The following MIA3 variants were observed in gnomAD, a reference collection of about 807,000 sequenced individuals.
MIA3 encodes the protein MIA SH3 domain ER export factor 3, also known as transport and Golgi organization protein 1 homolog.
A neutral mutation model predicts 192.4 loss-of-function variants in MIA3; 90 were observed. The observed-to-expected ratio is 0.47, with a 90% CI of 0.39 to 0.56. The LOEUF is 0.56. Ranked by LOEUF, MIA3 falls within the 20% of genes least tolerant of loss-of-function variation. MIA3 has a pLI of 0.00. For synonymous variants in MIA3, 740 were observed against 792.8 expected (o/e 0.93, Z 1.12); for missense variants, 2,123 against 2,269.4 (o/e 0.94, Z 1.31).
rs745696853 is a variant in MIA3, at chr1:222,653,293, T to A, written c.4275T>A (p.Asn1425Lys). 16 of 1,613,880 alleles carry A rather than the reference T, an allele frequency of 9.9e-6. No homozygotes were observed. The highest frequency in any genetic ancestry group is 1.1e-5 in the Non-Finnish European group (13 of 1,179,882). Reference sequence around the variant, plus strand: ...GTGAATCTGAATCTGAGGGTCAAAATAAAGGTGGAAATGATTCAGATGAAT... The same window carrying A: ...GTGAATCTGAATCTGAGGGTCAAAAAAAAGGTGGAAATGATTCAGATGAAT... ...LECESESEGQNKGGNDSDELA... is the reference protein window; with the variant it reads ...LECESESEGQKKGGNDSDELA... Residue 1425 changes from asparagine to lysine, a missense_variant, in exon 15 of 28, where the codon AAT becomes AAA. Physicochemically the swap from Asn to Lys is moderately conservative, Grantham distance 94. Coordinates refer to ENST00000344922, the MANE Select transcript of MIA3 (RefSeq NM_198551.4).
chr1:222,644,827 G>C (rs1663059076), intron 6 of MIA3, among the ~76,000 whole-genome samples: 1 of 151,248 alleles, frequency 6.6e-6, no homozygotes, highest in African/African-American at 2.4e-5. Flanking sequence ...ATGTTCTGGT[G>C]TGAAGTCATG....
In MIA3 at chr1:222,665,708, A is replaced by C. The variant is rs1664251948; in HGVS notation, c.*89A>C. ...GATTTCATTGGCTTCAAAATCCAAA[A>C]GTTTATTTTAAAAGGTTTGTTGTTA... On this transcript the variant is annotated 3_prime_UTR_variant, in exon 28 of 28. Coordinates refer to ENST00000344922, the MANE Select transcript of MIA3 (RefSeq NM_198551.4). The C allele has an allele frequency of 1.7e-6, 2 of 1,161,396 alleles. No individual in the cohort carries two copies. The highest frequency in any genetic ancestry group is 2.0e-5 in the South Asian group (1 of 49,296). 71.9% of individuals were successfully genotyped at this position (1,161,396 alleles called of 1,614,324 possible).
chr1:222,651,941 C>T (rs1663459745), intron 11 of MIA3, 36 bp from the exon 12 acceptor site: 1 of 1,173,348 alleles, frequency 8.5e-7, no homozygotes. Context: ...TACTAAAATC[C>T]TAATATGCAT....
At chr1:222,624,942 A>G (rs1662041164) in intron 3 of MIA3, 88 bp downstream of exon 3, 2 of 647,142 alleles carry the variant, frequency 3.1e-6, no homozygotes, top group South Asian at 1.7e-5. Context: ...AAAAGAATTT[A>G]AATGAGATTT....
At chr1:222,622,887 G>T (rs920455723) in intron 2 of MIA3, among the ~76,000 whole-genome samples, 2 of 152,216 alleles carry the variant, frequency 1.3e-5, no homozygotes, top group Non-Finnish European at 2.9e-5. Flanking sequence ...CTTAAGGAAC[G>T]CTGCCTTCAG....
chr1:222,629,542 A>G lies in MIA3; in HGVS notation c.2322A>G (p.Glu774=). The G allele has an allele frequency of 6.2e-7, 1 of 1,613,998 alleles. No individual in the cohort carries two copies. The highest frequency in any genetic ancestry group is 1.1e-5 in the South Asian group (1 of 91,060). The part of the protein sequence containing the change: ...AVLGTIHPDP[E]IEESKQETSM... The stretch of plus-strand genomic sequence containing the variant: ...TAGGGACCATTCATCCAGATCCAGA[A>G]ATTGAAGAAAGCAAGCAAGAAACTA... Residue 774 remains glutamate (E), a synonymous_variant, in exon 4 of 28, where the codon GAA becomes GAG. Transcript: ENST00000344922.
chr1:222,635,643 G>C (rs574289631), intron 6 of MIA3, among the ~76,000 whole-genome samples: 1 of 152,318 alleles, frequency 6.6e-6, no homozygotes, highest in South Asian at 2.1e-4. Flanking sequence ...AGTTCATATA[G>C]ATAATTGTTT....
chr1:222,665,641 A>G lies in MIA3; in HGVS notation c.*22A>G. The G allele has an allele frequency of 6.5e-7, 1 of 1,537,304 alleles. No individual in the cohort carries two copies. The highest frequency in any genetic ancestry group is 8.7e-7 in the Non-Finnish European group (1 of 1,142,908). The stretch of plus-strand genomic sequence containing the variant: ...ATAAAACTATGACCTCTGAGGTTTC[A>G]TTGGAAAGAAAGTGTACTGTGCATT... On this transcript the variant is annotated 3_prime_UTR_variant, in exon 28 of 28. Coordinates refer to ENST00000344922, the MANE Select transcript of MIA3 (RefSeq NM_198551.4).
Position 222,630,166 on chromosome 1 carries a change from T to A in MIA3, c.2946T>A (p.Ser982=). Reference sequence around the variant, plus strand: ...TCCTAGATAAGGTCTTCCGTGCTTCTGAGTCACAAATTCTGAGCATAGCAG... The same window carrying A: ...TCCTAGATAAGGTCTTCCGTGCTTCAGAGTCACAAATTCTGAGCATAGCAG... ...EKVLDKVFRA[S]ESQILSIAEK... is the part of the protein sequence containing the mutation. The change falls in exon 4 of 28, where the codon TCT becomes TCA. Residue 982 remains serine, a synonymous_variant. Transcript: ENST00000344922. 6.2e-7 allele frequency: 1 copy of A among 1,614,244 alleles called. No homozygotes were observed. Among genetic ancestry groups the A allele is most frequent in the South Asian group, 1.1e-5 (1 of 91,084 alleles).
rs914961703 is a variant in MIA3 at position 222,662,084 on chromosome 1, T to C, written c.5142T>C (p.Pro1714=). 2.5e-6 allele frequency: 4 copies of C among 1,614,150 alleles called. No individual in the cohort carries two copies. In the South Asian group the frequency reaches 4.4e-5, roughly 18 times the overall value. Residue 1714 remains proline, a synonymous_variant, in exon 25 of 28, where the codon CCT becomes CCC. Transcript: ENST00000344922. ...FGSVDGPLPH[P]RWSAEASGKP... is the part of the protein sequence containing the mutation. ...CAGTGGACGGGCCTCTACCTCATCC[T>C]CGATGGTCAGCTGAGGCATCTGGGA...
chr1:222,644,377 C>A, intron 6 of MIA3: 1 of 1,520,310 alleles, frequency 6.6e-7, no homozygotes. Flanking sequence ...AGAGTCCGCC[C>A]CCTGAATTGG....
intron 18 of MIA3, 108 bp downstream of exon 18, chr1:222,654,901 T>A: frequency 1.0e-6 from 1 of 968,426 alleles, no homozygotes; most frequent in Non-Finnish European, 1.5e-6. Context: ...TTTGCATCTG[T>A]AATTAGTATA....
chr1:222,628,501 A>C lies in MIA3; in HGVS notation c.1281A>C (p.Lys427Asn). ...DALVPDSKQG[K>N]PQSATDYSDP... Reference sequence around the variant, plus strand: ...TAGTCCCAGATAGCAAACAGGGGAAACCACAGTCAGCAACAGATTATAGTG... The same window carrying C: ...TAGTCCCAGATAGCAAACAGGGGAACCCACAGTCAGCAACAGATTATAGTG... Residue 427 changes from lysine (K) to asparagine (N), a missense_variant, in exon 4 of 28, where the codon AAA becomes AAC. Transcript: ENST00000344922. 6.2e-7 allele frequency: 1 copy of C among 1,613,720 alleles called. No homozygotes were observed.
chr1:222,649,424 C>G (rs982970783), intron 8 of MIA3: 2 of 152,280 alleles, frequency 1.3e-5, no homozygotes, highest in African/African-American at 4.8e-5. Context: ...CATCCTTATT[C>G]TTGTTAGCAG....
At chr1:222,632,140 G>A in intron 4 of MIA3, 25 bp from the exon 5 acceptor site, 1 of 1,610,256 alleles carries the variant, frequency 6.2e-7, no homozygotes, top group Admixed American at 1.7e-5. Context: ...AGCTGTGCTA[G>A]CCCAGTGTAT....
intron 6 of MIA3, chr1:222,644,520 G>A: frequency 6.4e-7 from 1 of 1,550,556 alleles, no homozygotes; most frequent in Non-Finnish European, 8.7e-7. Flanking sequence ...CCGCTACCCC[G>A]GGGGACCCGG....
At position 222,626,047 on chromosome 1, in the gene MIA3, C is replaced by T. The variant is rs767899155; in HGVS notation, c.354+1193C>T. Among the ~76,000 whole-genome samples, 3 of 152,286 alleles carry T rather than the reference C, an allele frequency of 2.0e-5. No homozygotes were observed. The South Asian group carries it at 6.2e-4, about 32-fold the overall frequency. ...CTTTCATATATATATATAAAAAACA[C>T]CATGCCCAGCCCCCCATCTGATTGT... On this transcript the variant is annotated intron_variant, in intron 3 of 27. Coordinates refer to ENST00000344922, the MANE Select transcript of MIA3 (RefSeq NM_198551.4).
chr1:222,621,115 A>C, intron 1 of MIA3, 44 bp from the exon 2 acceptor site: 1 of 1,536,000 alleles, frequency 6.5e-7, no homozygotes. Context: ...GTGAACACTG[A>C]ATCCTGATAT....
At chr1:222,656,218 C>T (rs111502208) in intron 18 of MIA3, among the ~76,000 whole-genome samples, 1,624 of 151,864 alleles carry the variant, frequency 0.011, 37 homozygotes, top group African/African-American at 0.037. Flanking sequence ...GTGATCCACC[C>T]GCCTCGGCCT....
Sources: allele counts gnomAD v4.1 joint callset (sites outside exome capture counted in the v4.1 genomes callset), GRCh38; gene constraint gnomAD v4.1.1; transcripts MANE v1.5; gene names NCBI Gene and HGNC (gene_info 2026-07-23, HGNC 2026-07-21).